N4BP2: variants seen among roughly 807,000 people sequenced by gnomAD.
N4BP2 encodes the protein NEDD4 binding protein 2.
Under a neutral mutation model 152.8 loss-of-function variants are expected in N4BP2, and 91 were observed. The observed-to-expected ratio is 0.60, with a 90% CI of 0.50 to 0.71. The LOEUF (loss-of-function observed/expected upper bound fraction) is 0.71. Among genes scored for constraint, N4BP2 ranks in the 30% least tolerant of loss-of-function variants. The pLI is 0.00. For missense variants in N4BP2, 1,923 were observed against 2,059.1 expected (o/e 0.93, Z 1.28); for synonymous variants, 646 against 705.3 (o/e 0.92, Z 1.33).
the N4BP2 span, among the ~76,000 whole-genome samples, chr4:40,165,879 A>G: frequency 6.6e-6 from 1 of 152,140 alleles, no homozygotes; most frequent in Admixed American, 6.6e-5. Flanking sequence ...TTCCGTAGAT[A>G]CCCCAAAGCC....
intron 1 of N4BP2, among the ~76,000 whole-genome samples, chr4:40,057,378 CAG>C (rs1560560759): frequency 6.6e-6 from 1 of 152,226 alleles, no homozygotes; most frequent in East Asian, 1.9e-4. Context: ...GGTTTCCTCC[CAG>C]ATCTGTTCCC....
chr4:40,109,389 C>T (rs1716644745), intron 5 of N4BP2, among the ~76,000 whole-genome samples: 1 of 152,006 alleles, frequency 6.6e-6, no homozygotes, highest in Admixed American at 6.6e-5. Context: ...ATACTTAACT[C>T]CCAGGATTGT....
chr4:40,151,002 G>A (rs2109284445), intron 16 of N4BP2, among the ~76,000 whole-genome samples: 1 of 152,306 alleles, frequency 6.6e-6, no homozygotes, highest in South Asian at 2.1e-4. Context: ...AGTATCTGGA[G>A]TGTGCTGAAA....
chr4:40,177,568 A>C, the N4BP2 span, among the ~76,000 whole-genome samples: 8 of 152,178 alleles, frequency 5.3e-5, no homozygotes, highest in African/African-American at 1.9e-4. Flanking sequence ...GTGAGCTGAG[A>C]TCAAGCCACT....
chr4:40,184,113 C>T, the N4BP2 span, among the ~76,000 whole-genome samples: 1 of 152,316 alleles, frequency 6.6e-6, no homozygotes, highest in Non-Finnish European at 1.5e-5. Flanking sequence ...TGGAACAGAA[C>T]ATTTTGTCCA....
chr4:40,070,751 A>G (rs1165853674), intron 1 of N4BP2, among the ~76,000 whole-genome samples: 8 of 151,998 alleles, frequency 5.3e-5, no homozygotes, highest in Non-Finnish European at 1.0e-4. Context: ...ATTCCCTGAT[A>G]CATGCTACTT....
At chr4:40,144,943 A>T (rs1167488840) in intron 16 of N4BP2, 143 bp downstream of exon 16, 1 of 572,676 alleles carries the variant, frequency 1.7e-6, no homozygotes, top group African/African-American at 1.9e-5. Flanking sequence ...TTCATTCTTC[A>T]AGAGAACCTT....
chr4:40,164,934 G>C, the N4BP2 span, among the ~76,000 whole-genome samples: 1 of 152,138 alleles, frequency 6.6e-6, no homozygotes, highest in African/African-American at 2.4e-5. Context: ...TGATCTCTTT[G>C]CTGAGCTGTA....
At chr4:40,066,708 G>A (rs1404121947) in intron 1 of N4BP2, among the ~76,000 whole-genome samples, 1 of 152,056 alleles carries the variant, frequency 6.6e-6, no homozygotes, top group Non-Finnish European at 1.5e-5. Context: ...TTGTAGTTAA[G>A]CTACTCATAG....
chr4:40,143,653 T>C (rs1162948332), intron 15 of N4BP2, among the ~76,000 whole-genome samples: 1 of 152,142 alleles, frequency 6.6e-6, no homozygotes, highest in Non-Finnish European at 1.5e-5. Context: ...TACTTCTTTG[T>C]GATTGAGCAG....
chr4:40,121,963 C>G lies in N4BP2; in HGVS notation c.3852C>G (p.Phe1284Leu). 1 of 1,559,184 alleles carries G rather than the reference C, an allele frequency of 6.4e-7. No homozygotes were observed. Among genetic ancestry groups the G allele is most frequent in the Non-Finnish European group, 8.7e-7 (1 of 1,154,984 alleles). ...ACAACATACATTCTCCTTCACATTT[C>G]TCTGATATTTTTAACTTTGTATCTA... ...TGDNIHSPSH[F>L]SDIFNFVSST... Residue 1284 changes from phenylalanine to leucine, a missense_variant, in exon 9 of 18, where the codon TTC (phenylalanine) becomes TTG (leucine). Physicochemically the swap from Phe to Leu is conservative, Grantham distance 22 (BLOSUM62 0). Coordinates refer to ENST00000261435, the MANE Select transcript of N4BP2 (RefSeq NM_018177.6).
At chr4:40,143,273 C>T (rs1384850745) in intron 15 of N4BP2, among the ~76,000 whole-genome samples, 9 of 151,996 alleles carry the variant, frequency 5.9e-5, no homozygotes, top group Admixed American at 5.9e-4. Flanking sequence ...AAATTTCTAC[C>T]TGGGCTCATT....
the N4BP2 span, among the ~76,000 whole-genome samples, chr4:40,164,451 G>C: frequency 1.3e-5 from 2 of 152,146 alleles, no homozygotes; most frequent in African/African-American, 4.8e-5. Context: ...ATATTACCTA[G>C]AAAAGTGACA....
intron 13 of N4BP2, 78 bp downstream of exon 13, chr4:40,131,997 C>T: frequency 1.1e-6 from 1 of 924,396 alleles, no homozygotes. Flanking sequence ...TTTCTGATAA[C>T]AAAAATAATG....
chr4:40,113,297 T>C (rs573508777), intron 6 of N4BP2, 135 bp from the exon 7 acceptor site: 69 of 603,648 alleles, frequency 1.1e-4, no homozygotes, highest in Non-Finnish European at 2.0e-4. Context: ...TTAAAGTGAT[T>C]GTATATTTTG....
intron 1 of N4BP2, among the ~76,000 whole-genome samples, chr4:40,066,865 TC>T (rs1711573270): frequency 6.6e-6 from 1 of 152,160 alleles, no homozygotes. Context: ...ACCCATTTTC[TC>T]CTTCCTAGCC....
At chr4:40,134,688 C>T (rs1272449874) in intron 13 of N4BP2, among the ~76,000 whole-genome samples, 1 of 152,012 alleles carries the variant, frequency 6.6e-6, no homozygotes, top group Non-Finnish European at 1.5e-5. Flanking sequence ...ATACTGATAT[C>T]CTTTGTGTTG....
the N4BP2 span, among the ~76,000 whole-genome samples, chr4:40,188,361 C>A: frequency 6.6e-6 from 1 of 152,216 alleles, no homozygotes; most frequent in Non-Finnish European, 1.5e-5. Context: ...CTTAATCTCT[C>A]TGTGCCTCAG....
In N4BP2 at chr4:40,108,996, T is replaced by C. The variant is rs190621931; in HGVS notation, c.1498+1972T>C. Among the ~76,000 whole-genome samples, 1,021 of 152,064 alleles carry C rather than the reference T, an allele frequency of 6.7e-3. 7 individuals carry two copies. The highest frequency in any genetic ancestry group is 6.3e-3 in the Non-Finnish European group (429 of 67,960). Reference sequence around the variant, plus strand: ...CATGCCCAGCTAGTTTTTGTATTTTTAGTAGAGACAGGGTTTCACCATGTT... The same window carrying C: ...CATGCCCAGCTAGTTTTTGTATTTTCAGTAGAGACAGGGTTTCACCATGTT... On this transcript the variant is annotated intron_variant, in intron 5 of 17. Transcript: ENST00000261435.
Sources: gnomAD v4.1 joint callset for allele counts (sites outside exome capture counted in the v4.1 genomes callset) on GRCh38, gnomAD v4.1.1 for gene constraint, MANE v1.5 for transcripts, NCBI Gene and HGNC (gene_info 2026-07-23, HGNC 2026-07-21) for gene names.